MED12L: variants seen among roughly 807,000 people sequenced by gnomAD.
MED12L encodes mediator of RNA polymerase II transcription subunit 12-like protein.
A neutral mutation model predicts 281.3 loss-of-function variants in MED12L; 60 were observed. That is an observed-to-expected ratio of 0.21 (90% CI 0.17 to 0.26). The LOEUF is 0.26. Among genes scored for constraint, MED12L ranks in the 10% least tolerant of loss-of-function variants. The probability of loss-of-function intolerance (pLI) is 1.00; values close to 1 mark genes in which losing one functional copy is unlikely to be tolerated. For missense variants in MED12L, 2,146 were observed against 2,680.9 expected (o/e 0.80, Z 4.41); for synonymous variants, 974 against 987.2 (o/e 0.99, Z 0.25).
At chr3:151,314,335 A>G (rs1314542574) in intron 16 of MED12L, among the ~76,000 whole-genome samples, 4 of 152,194 alleles carry the variant, frequency 2.6e-5, no homozygotes, top group Admixed American at 1.3e-4. Context: ...ATAAGGAGGG[A>G]GAGGATTTCG....
At chr3:151,326,886 A>C (rs1343286221) in intron 16 of MED12L, 5 of 152,192 alleles carry the variant, frequency 3.3e-5, no homozygotes, top group African/African-American at 1.2e-4. Context: ...AGAAGGATGC[A>C]AGAAAAAATA....
intron 16 of MED12L, among the ~76,000 whole-genome samples, chr3:151,306,960 G>T (rs1240437646): frequency 6.6e-6 from 1 of 152,178 alleles, no homozygotes; most frequent in Non-Finnish European, 1.5e-5. Context: ...ATCTGAAATT[G>T]TAAGAATTTG....
chr3:151,372,825 T>G, intron 27 of MED12L, 59 bp downstream of exon 27: 3 of 1,355,054 alleles, frequency 2.2e-6, no homozygotes, highest in Non-Finnish European at 2.1e-6. Flanking sequence ...TGGAGAGAGC[T>G]ACTTACACTT....
intron 16 of MED12L, among the ~76,000 whole-genome samples, chr3:151,339,433 A>AAAC (rs1383250970): frequency 8.6e-6 from 1 of 115,670 alleles, no homozygotes; most frequent in African/African-American, 2.9e-5. Context: ...TGAATCAGTA[A>AAAC]AAAAAAAAAA....
At chr3:151,416,713 C>G (rs977662132) in intron 43 of MED12L, among the ~76,000 whole-genome samples, 6 of 152,122 alleles carry the variant, frequency 3.9e-5, no homozygotes, top group African/African-American at 1.4e-4. Context: ...TTTTCCTAAA[C>G]AATGATAAAA....
At chr3:151,177,500 C>T (rs974189526) in intron 11 of MED12L, among the ~76,000 whole-genome samples, 1 of 152,134 alleles carries the variant, frequency 6.6e-6, no homozygotes, top group Non-Finnish European at 1.5e-5. Context: ...GTAAAATTTC[C>T]AGTACTTGCT....
chr3:151,302,769 T>A (rs1223003898), intron 16 of MED12L, among the ~76,000 whole-genome samples: 2 of 152,194 alleles, frequency 1.3e-5, no homozygotes, highest in African/African-American at 4.8e-5. Flanking sequence ...AGCCATAACC[T>A]GATCTCTTTC....
intron 16 of MED12L, among the ~76,000 whole-genome samples, chr3:151,320,089 T>C (rs1748815903): frequency 6.6e-6 from 1 of 152,208 alleles, no homozygotes; most frequent in Non-Finnish European, 1.5e-5. Context: ...CTCCATGGCA[T>C]ATGACTTTTT....
chr3:151,177,869 A>C (rs887142237), intron 11 of MED12L, among the ~76,000 whole-genome samples: 1 of 152,022 alleles, frequency 6.6e-6, no homozygotes, highest in African/African-American at 2.4e-5. Context: ...TGCCATGATT[A>C]TGTGTTTTAA....
intron 16 of MED12L, among the ~76,000 whole-genome samples, chr3:151,302,035 G>A (rs573772800): frequency 1.1e-3 from 170 of 152,324 alleles, no homozygotes; most frequent in Middle Eastern, 6.8e-3. Context: ...GTCAACTGTG[G>A]TATAGGCAAA....
At chr3:151,181,059 G>A (rs1722638300) in intron 11 of MED12L, among the ~76,000 whole-genome samples, 1 of 151,140 alleles carries the variant, frequency 6.6e-6, no homozygotes, top group African/African-American at 2.4e-5. Flanking sequence ...AAACACTTCT[G>A]TTTTCTCGGT....
chr3:151,268,738 G>A (rs559101712), intron 16 of MED12L, among the ~76,000 whole-genome samples: 2 of 152,278 alleles, frequency 1.3e-5, no homozygotes, highest in African/African-American at 4.8e-5. Context: ...TGTTTACAAA[G>A]CACTTGTTCT....
At chr3:151,112,931 T>C (rs1183068831) in intron 2 of MED12L, among the ~76,000 whole-genome samples, 1 of 152,238 alleles carries the variant, frequency 6.6e-6, no homozygotes, top group Non-Finnish European at 1.5e-5. Flanking sequence ...CGATGTGTGC[T>C]ATTTGCCAGG....
At chr3:151,320,546 C>A (rs1344464307) in intron 16 of MED12L, among the ~76,000 whole-genome samples, 1 of 152,180 alleles carries the variant, frequency 6.6e-6, no homozygotes, top group Non-Finnish European at 1.5e-5. Context: ...AGATTGGTAT[C>A]ATTGGGTCCC....
intron 20 of MED12L, among the ~76,000 whole-genome samples, chr3:151,359,356 C>G (rs1225495658): frequency 1.3e-5 from 2 of 152,040 alleles, no homozygotes; most frequent in Non-Finnish European, 2.9e-5. Context: ...CACTTTTGTT[C>G]TAATTGGCAG....
At chr3:151,295,679 T>C (rs77893848) in intron 16 of MED12L, among the ~76,000 whole-genome samples, 2,886 of 152,300 alleles carry the variant, frequency 0.019, 86 homozygotes, top group African/African-American at 0.066. Context: ...AGCTGTTTAA[T>C]CATTAAGAAT....
chr3:151,396,994 C>T (rs1715066780), intron 39 of MED12L, among the ~76,000 whole-genome samples: 1 of 152,040 alleles, frequency 6.6e-6, no homozygotes, highest in Non-Finnish European at 1.5e-5. Flanking sequence ...TTTCTCCTAC[C>T]AAAAATACCT....
chr3:151,416,460 C>G (rs1279803906), intron 43 of MED12L, 38 bp downstream of exon 43: 1 of 1,602,494 alleles, frequency 6.2e-7, no homozygotes, highest in Non-Finnish European at 8.5e-7. Flanking sequence ...ATGTGGGTTT[C>G]TTCTTTAAAA....
In MED12L at chr3:151,366,676, CCTGCCTCT is replaced by C. The variant is rs1195933163; in HGVS notation, c.3327+687_3327+694del. Among the ~76,000 whole-genome samples, 4 of 152,236 alleles carry C rather than the reference CCTGCCTCT, an allele frequency of 2.6e-5. No homozygotes were observed. In the East Asian group the frequency reaches 7.7e-4, roughly 29 times the overall value. On this transcript the variant is annotated intron_variant, in intron 23 of 44. Transcript: ENST00000687756. ...GCATAGTTCTTTATACATCTTTACA[CCTGCCTCT>C]CAGTTGAAGGTTGACTTCTGAATTC... is the stretch of plus-strand genomic sequence containing the variant.
Sources: allele counts gnomAD v4.1 joint callset (sites outside exome capture counted in the v4.1 genomes callset), GRCh38; gene constraint gnomAD v4.1.1; transcripts MANE v1.5; gene names NCBI Gene and HGNC (gene_info 2026-07-23, HGNC 2026-07-21).